Variants in VAV3 observed in about 807,000 individuals in gnomAD.
VAV3 encodes guanine nucleotide exchange factor VAV3.
In VAV3, 94 loss-of-function variants were observed where a neutral mutation model predicts 131.2. That is an observed-to-expected ratio of 0.72 (90% CI 0.61 to 0.85). VAV3 has a LOEUF of 0.85. VAV3 is among the 40% of genes least tolerant of loss of function. The pLI, the probability that VAV3 is intolerant of heterozygous loss-of-function variation, is 0.00. For missense variants in VAV3, 939 were observed against 1,002.7 expected, an observed-to-expected ratio of 0.94 and a Z score of 0.86; for synonymous variants, 349 against 342.0, an observed-to-expected ratio of 1.02 and a Z score of -0.22.
At chr1:107,632,674 T>A (rs1269923158) in intron 20 of VAV3, among the ~76,000 whole-genome samples, 1 of 152,308 alleles carries the variant, frequency 6.6e-6, no homozygotes, top group Admixed American at 6.5e-5. Flanking sequence ...ATGATTCTTC[T>A]AAAGACAGGA....
In VAV3 at chr1:107,811,262, A is replaced by T. The variant is rs1419653912; in HGVS notation, c.322-31770T>A. Reference sequence around the variant, plus strand: ...GAGGATCACCTCAAGTGATGCCTACAGGACTCCGATGCTTTACACTCACAG... The same window carrying T: ...GAGGATCACCTCAAGTGATGCCTACTGGACTCCGATGCTTTACACTCACAG... On this transcript the variant is annotated intron_variant, in intron 2 of 26. Transcript: ENST00000370056. 2.0e-5 allele frequency among the ~76,000 whole-genome samples: 3 copies of T among 152,352 alleles called. No individual in the cohort carries two copies. In the East Asian group the frequency reaches 5.8e-4, roughly 29 times the overall value.
intron 15 of VAV3, among the ~76,000 whole-genome samples, chr1:107,747,349 C>A (rs1416852229): frequency 6.6e-6 from 1 of 151,856 alleles, no homozygotes. Context: ...TATAGCCAAA[C>A]GAAACCCATA....
intron 19 of VAV3, chr1:107,668,810 G>A (rs979556867): frequency 9.1e-6 from 9 of 985,168 alleles, no homozygotes; most frequent in Non-Finnish European, 9.6e-6. Context: ...ATATTTTTAG[G>A]AGAAACATAC....
intron 1 of VAV3, among the ~76,000 whole-genome samples, chr1:107,876,767 G>A (rs1305233353): frequency 1.3e-5 from 2 of 152,058 alleles, no homozygotes; most frequent in Non-Finnish European, 2.9e-5. Flanking sequence ...AAATATACAT[G>A]TGAAAACTTT....
chr1:107,748,893 C>G, intron 15 of VAV3, 75 bp downstream of exon 15: 1 of 1,114,724 alleles, frequency 9.0e-7, no homozygotes, highest in South Asian at 1.5e-5. Flanking sequence ...TTAGAGTACA[C>G]TTATTGGTTG....
chr1:107,939,153 T>C (rs985962991), intron 1 of VAV3, among the ~76,000 whole-genome samples: 2 of 150,604 alleles, frequency 1.3e-5, no homozygotes, highest in Non-Finnish European at 2.9e-5. Flanking sequence ...ATTTGTCTAG[T>C]TTTTTTTTCT....
At chr1:107,940,954 T>C (rs1673956657) in intron 1 of VAV3, among the ~76,000 whole-genome samples, 3 of 151,514 alleles carry the variant, frequency 2.0e-5, no homozygotes. Context: ...TCAACATGGT[T>C]AAAATGGTAA....
At chr1:107,677,172 G>T (rs777657104) in intron 19 of VAV3, among the ~76,000 whole-genome samples, 10 of 152,082 alleles carry the variant, frequency 6.6e-5, no homozygotes, top group Non-Finnish European at 1.3e-4. Flanking sequence ...GCACTCCAGG[G>T]TTCTAATTAA....
chr1:107,617,987 G>A (rs932511184), intron 20 of VAV3, among the ~76,000 whole-genome samples: 3 of 152,104 alleles, frequency 2.0e-5, no homozygotes, highest in African/African-American at 7.2e-5. Context: ...CTGGGGGCGT[G>A]GCAGGTGGTT....
chr1:107,760,699 G>T, intron 10 of VAV3, 85 bp downstream of exon 10: 3 of 1,045,072 alleles, frequency 2.9e-6, no homozygotes, highest in Non-Finnish European at 2.9e-6. Context: ...CCAACACATG[G>T]AATATCTGCA....
In VAV3 at chr1:107,755,433, C is replaced by T. The variant is rs746638661; in HGVS notation, c.1167G>A (p.Glu389=). 7 of 1,608,366 alleles carry T rather than the reference C, an allele frequency of 4.4e-6. No individual in the cohort carries two copies. In the African/African-American group the frequency reaches 6.7e-5, roughly 15 times the overall value. The part of the protein sequence containing the change: ...REIKQFQLSI[E]NLNQPVLLFG... ...TGGAAAGATAATTACATACCAAATT[C>T]TCTATAGATAGCTGAAACTGTTTAA... The change falls in exon 12 of 27, where the codon GAG becomes GAA. Residue 389 remains glutamate, a synonymous_variant. Transcript: ENST00000370056.
intron 15 of VAV3, among the ~76,000 whole-genome samples, chr1:107,720,848 G>T (rs1196349371): frequency 6.6e-6 from 1 of 152,214 alleles, no homozygotes; most frequent in Non-Finnish European, 1.5e-5. Flanking sequence ...GAGCCATGTG[G>T]CAAGCAGTCA....
At chr1:107,790,150 G>C (rs954147104) in intron 2 of VAV3, among the ~76,000 whole-genome samples, 5 of 152,226 alleles carry the variant, frequency 3.3e-5, no homozygotes, top group South Asian at 2.1e-4. Context: ...GGCCTCTTCA[G>C]TGGAACCAGA....
chr1:107,711,169 A>G (rs1264020182), intron 15 of VAV3, among the ~76,000 whole-genome samples: 2 of 152,178 alleles, frequency 1.3e-5, no homozygotes, highest in Non-Finnish European at 2.9e-5. Flanking sequence ...CTAAGAGAAG[A>G]TATTTAAAAG....
At chr1:107,928,517 CAAAG>C (rs1557929857) in intron 1 of VAV3, among the ~76,000 whole-genome samples, 1 of 152,070 alleles carries the variant, frequency 6.6e-6, no homozygotes, top group African/African-American at 2.4e-5. Context: ...CAAGATAACA[CAAAG>C]AAGGAATTCA....
At chr1:107,794,358 T>C (rs879326085) in intron 2 of VAV3, among the ~76,000 whole-genome samples, 3 of 151,474 alleles carry the variant, frequency 2.0e-5, no homozygotes, top group Admixed American at 2.0e-4. Flanking sequence ...TTTTCTCCCT[T>C]CATCTTGCTT....
chr1:107,929,770 G>T (rs986524976), intron 1 of VAV3, among the ~76,000 whole-genome samples: 9 of 152,146 alleles, frequency 5.9e-5, no homozygotes, highest in African/African-American at 2.2e-4. Flanking sequence ...GCTTAAAGTA[G>T]ATTTGGAAGC....
intron 1 of VAV3, among the ~76,000 whole-genome samples, chr1:107,924,881 G>T (rs758573259): frequency 2.0e-5 from 3 of 152,110 alleles, no homozygotes; most frequent in South Asian, 2.1e-4. Context: ...CAGCTAGAGC[G>T]ACACAGTTAA....
intron 6 of VAV3, among the ~76,000 whole-genome samples, chr1:107,770,311 C>T (rs1188477303): frequency 6.6e-6 from 1 of 151,962 alleles, no homozygotes; most frequent in Non-Finnish European, 1.5e-5. Context: ...ATCTTATGCC[C>T]CTGCCTTATT....
Sources: gnomAD v4.1 joint callset for allele counts (sites outside exome capture counted in the v4.1 genomes callset) on GRCh38, gnomAD v4.1.1 for gene constraint, MANE v1.5 for transcripts, NCBI Gene and HGNC (gene_info 2026-07-23, HGNC 2026-07-21) for gene names.